The following CASZ1 variants were observed in gnomAD, a reference collection of about 807,000 sequenced individuals.
The protein encoded by CASZ1 is zinc finger protein castor homolog 1.
In CASZ1, 28 loss-of-function variants were observed where a neutral mutation model predicts 135.2. The observed-to-expected ratio is 0.21, with a 90% CI of 0.15 to 0.28. The LOEUF is 0.28. CASZ1 is among the 10% of genes least tolerant of loss of function. The probability of loss-of-function intolerance (pLI) is 1.00; values close to 1 mark genes in which losing one functional copy is unlikely to be tolerated. For missense variants in CASZ1, 2,161 were observed against 2,453.3 expected (o/e 0.88, Z 2.52); for synonymous variants, 1,068 against 1,073.4 (o/e 0.99, Z 0.10).
rs1326970456 is a variant in CASZ1 at position 10,666,938 on chromosome 1, C to T, written c.17-1367G>A. ...GCCACAGCAGCAGGGGCTCGGCTCA[C>T]ACTCACTGTGTACAAAACAAAATGT... On this transcript the variant is annotated intron_variant, in intron 4 of 20. Transcript: ENST00000377022. This position sits in a 1 kb window ranked among gnomAD's most constrained non-coding sequence, Gnocchi z 5.2. 6.6e-6 allele frequency among the ~76,000 whole-genome samples: 1 copy of T among 152,264 alleles called. No homozygotes were observed. Among genetic ancestry groups the T allele is most frequent in the African/African-American group, 2.4e-5 (1 of 41,476 alleles).
At chr1:10,749,036 T>A (rs911165173) in intron 2 of CASZ1, among the ~76,000 whole-genome samples, 7 of 152,152 alleles carry the variant, frequency 4.6e-5, no homozygotes, top group African/African-American at 1.7e-4. Context: ...CTGCGGCTGC[T>A]GCGTCCCAGC....
intron 4 of CASZ1, among the ~76,000 whole-genome samples, chr1:10,689,239 C>G (rs1279887974): frequency 2.0e-5 from 3 of 152,212 alleles, no homozygotes; most frequent in Non-Finnish European, 4.4e-5. Context: ...AAGAGCCTTT[C>G]CAAGCCCCAC....
At position 10,708,051 on chromosome 1, in the gene CASZ1, G is replaced by GTCCA. The variant is rs796938676; in HGVS notation, c.-76-2511_-76-2508dup. 2.6e-3 allele frequency among the ~76,000 whole-genome samples: 396 copies of GTCCA among 152,286 alleles called. 1 individual carries two copies. The highest frequency in any genetic ancestry group is 9.1e-3 in the African/African-American group (380 of 41,546). Reference sequence around the variant, plus strand: ...TTCTCTGCCAGCCGTCTGTCCATCTGTCCATCCATCCATCCAATGTTCCTA... The same window carrying GTCCA: ...TTCTCTGCCAGCCGTCTGTCCATCTGTCCATCCATCCATCCATCCAATGTTCCTA... On this transcript the variant is annotated intron_variant, in intron 2 of 20. Transcript: ENST00000377022.
chr1:10,769,205 T>C (rs1640532098), intron 1 of CASZ1, among the ~76,000 whole-genome samples: 1 of 152,162 alleles, frequency 6.6e-6, no homozygotes, highest in African/African-American at 2.4e-5. Flanking sequence ...TATGGACCAC[T>C]ATGCAGCCCT....
rs1640678228 is a variant in CASZ1 at position 10,777,276 on chromosome 1, G to T, written c.-233-16419C>A. The stretch of plus-strand genomic sequence containing the variant: ...AATCTGTTCCTGAGGACAGGACAAG[G>T]ACCGCAGGGTTGGGACCCCTATGAG... On this transcript the variant is annotated intron_variant, in intron 1 of 20. Coordinates refer to ENST00000377022, the MANE Select transcript of CASZ1 (RefSeq NM_001079843.3). This position sits in a 1 kb window ranked among gnomAD's most constrained non-coding sequence, Gnocchi z 4.4. 6.6e-6 allele frequency among the ~76,000 whole-genome samples: 1 copy of T among 152,152 alleles called. No homozygotes were observed.
At position 10,649,404 on chromosome 1, in the gene CASZ1, G is replaced by C. The variant is rs771310301; in HGVS notation, c.2914C>G (p.Leu972Val). 6.2e-7 allele frequency: 1 copy of C among 1,611,298 alleles called. No homozygotes were observed. The highest frequency in any genetic ancestry group is 8.5e-7 in the Non-Finnish European group (1 of 1,179,160). ...CCCTCCGCTTCCGCCTTGATGTTCAGCAGGCTGCCCAGGCCAGGGTTGCCC... is the reference window on the plus strand; with the variant it reads ...CCCTCCGCTTCCGCCTTGATGTTCACCAGGCTGCCCAGGCCAGGGTTGCCC... The part of the protein sequence containing the change: ...SQGNPGLGSL[L>V]NIKAEAEGSP... Residue 972 changes from leucine (L) to valine (V), a missense_variant, in exon 14 of 21, where the codon CTG (leucine) becomes GTG (valine). Around this residue, in one of 7 missense-constraint regions of CASZ1, gnomAD observed 406 missense variants for 387.6 expected, o/e 1.05. Coordinates refer to ENST00000377022, the MANE Select transcript of CASZ1 (RefSeq NM_001079843.3).
At chr1:10,746,743 G>A (rs144542483) in intron 2 of CASZ1, among the ~76,000 whole-genome samples, 2,039 of 152,366 alleles carry the variant, frequency 0.013, 42 homozygotes, top group African/African-American at 0.041. Flanking sequence ...GGGACAGAGC[G>A]GAGGGTGAGC....
In CASZ1 at chr1:10,647,790, G is replaced by A. The variant is rs375908341; in HGVS notation, c.3497+11C>T. ...GGGAACGCGGGACTCCCGGCTCATC[G>A]AGGGACTCACTTCTCCTGGAACTGG... On this transcript the variant is annotated intron_variant, in intron 16 of 20. Transcript: ENST00000377022. This position sits in a 1 kb window ranked among gnomAD's most constrained non-coding sequence, Gnocchi z 4.9. 81 of 1,613,012 alleles carry A rather than the reference G, an allele frequency of 5.0e-5. No homozygotes were observed. The highest frequency in any genetic ancestry group is 6.4e-5 in the Non-Finnish European group (76 of 1,180,026).
At chr1:10,663,846 C>T (rs921585534) in intron 5 of CASZ1, among the ~76,000 whole-genome samples, 10 of 152,222 alleles carry the variant, frequency 6.6e-5, no homozygotes, top group African/African-American at 2.4e-4. Context: ...CTCTGCCAGC[C>T]CCGCTCTCCA....
At chr1:10,664,922 G>T (rs1022893717) in intron 5 of CASZ1, among the ~76,000 whole-genome samples, 161 bp downstream of exon 5, 1 of 144,996 alleles carries the variant, frequency 6.9e-6, no homozygotes, top group African/African-American at 2.5e-5. Context: ...GCCCCTCCCC[G>T]TCCTAGTCTC....
chr1:10,690,285 G>A (rs527238947), intron 4 of CASZ1, among the ~76,000 whole-genome samples: 2 of 152,328 alleles, frequency 1.3e-5, no homozygotes, highest in East Asian at 3.9e-4. Context: ...CTCATGGAAG[G>A]TCTGATCTGA....
At chr1:10,786,263 T>A (rs940340836) in intron 1 of CASZ1, among the ~76,000 whole-genome samples, 1 of 151,994 alleles carries the variant, frequency 6.6e-6, no homozygotes, top group Non-Finnish European at 1.5e-5. Context: ...GTCTGGCCAG[T>A]GTGGGAAAGA....
Position 10,767,190 on chromosome 1 carries a change from G to C in CASZ1, c.-233-6333C>G, listed in dbSNP as rs543125275. Among the ~76,000 whole-genome samples, 1 of 152,206 alleles carries C rather than the reference G, an allele frequency of 6.6e-6. No individual in the cohort carries two copies. Among genetic ancestry groups the C allele is most frequent in the African/African-American group, 2.4e-5 (1 of 41,524 alleles). On this transcript the variant is annotated intron_variant, in intron 1 of 20. Transcript: ENST00000377022. This position sits in a 1 kb window ranked among gnomAD's most constrained non-coding sequence, Gnocchi z 4.2. ...AGGAACGAGGAGTGGGGAAAAGATG[G>C]GGCCCGGTCGTCCACATTCCTCATG...
At chr1:10,693,986 C>T (rs1638850494) in intron 3 of CASZ1, 74 bp from the exon 4 acceptor site, 1 of 1,445,006 alleles carries the variant, frequency 6.9e-7, no homozygotes, top group South Asian at 1.2e-5. Context: ...ACCCCGGCCG[C>T]CCGCCCTGCT....
chr1:10,750,251 G>A lies in CASZ1; in HGVS notation c.-77+10450C>T, dbSNP rs139340849. On this transcript the variant is annotated intron_variant, in intron 2 of 20. Transcript: ENST00000377022. ...GACATGAGGCCTGGCTAGTGACGCT[G>A]CTTTGCTTCGATTTTCTTTTCTTTT... Among the ~76,000 whole-genome samples the A allele has an allele frequency of 7.3e-3, 1,104 of 152,204 alleles. 9 individuals carry two copies. The highest frequency in any genetic ancestry group is 0.024 in the African/African-American group (976 of 41,518).
chr1:10,657,871 C>T lies in CASZ1; in HGVS notation c.1409+637G>A, dbSNP rs1642860281. The T allele has an allele frequency of 6.6e-6, 1 of 152,250 alleles. No homozygotes were observed. The highest frequency in any genetic ancestry group is 1.5e-5 in the Non-Finnish European group (1 of 68,124). The allele number at this position is 152,250 out of a possible 1,614,324, so 9.4% of individuals were successfully genotyped here. A position where few individuals can be genotyped will look rare whatever the true frequency, so the allele number is the denominator to read the frequency against. ...GGCAAAGGCTCTTCACTGCCAATCCCACTGCCTTTGGGATGGAAAGGGGTT... is the reference window on the plus strand; with the variant it reads ...GGCAAAGGCTCTTCACTGCCAATCCTACTGCCTTTGGGATGGAAAGGGGTT... On this transcript the variant is annotated intron_variant, in intron 7 of 20. Coordinates refer to ENST00000377022, the MANE Select transcript of CASZ1 (RefSeq NM_001079843.3). This position sits in a 1 kb window ranked among gnomAD's most constrained non-coding sequence, Gnocchi z 5.7.
In CASZ1 at chr1:10,665,386, C is replaced by T; in HGVS notation, c.202G>A (p.Gly68Ser). 6.2e-7 allele frequency: 1 copy of T among 1,612,698 alleles called. No homozygotes were observed. Among genetic ancestry groups the T allele is most frequent in the South Asian group, 1.1e-5 (1 of 90,934 alleles). Residue 68 changes from glycine (G) to serine (S), a missense_variant, in exon 5 of 21, where the codon GGC becomes AGC. By Grantham distance (56) the Gly-to-Ser change is moderately conservative (BLOSUM62 0). Transcript: ENST00000377022. ...GCCCGGGCTGCCCCAGACTCAGGGC[C>T]ACTGCGCTCTTGGTCCCGGGGCTGC... is the stretch of plus-strand genomic sequence containing the variant. ...PSQPRDQERSGPESGAARAPR... is the reference protein window; with the variant it reads ...PSQPRDQERSSPESGAARAPR...
rs964344332 is a variant in CASZ1 at position 10,657,491 on chromosome 1, T to C, written c.1410-755A>G. Among the ~76,000 whole-genome samples, 6 of 152,062 alleles carry C rather than the reference T, an allele frequency of 3.9e-5. No individual in the cohort carries two copies. Among genetic ancestry groups the C allele is most frequent in the African/African-American group, 9.7e-5 (4 of 41,378 alleles). ...CACAGAGAGAAACCCCATACTGTAA[T>C]GGGAAAACCACGTGCAAACAAATAT... is the stretch of plus-strand genomic sequence containing the variant. On this transcript the variant is annotated intron_variant, in intron 7 of 20. Transcript: ENST00000377022. The surrounding 1 kb of genome is among the most constrained non-coding windows in gnomAD (Gnocchi z 5.7).
In CASZ1 at chr1:10,679,304, A is replaced by G. The variant is rs559947722; in HGVS notation, c.17-13733T>C. Among the ~76,000 whole-genome samples, 1 of 152,288 alleles carries G rather than the reference A, an allele frequency of 6.6e-6. No individual in the cohort carries two copies. Among genetic ancestry groups the G allele is most frequent in the East Asian group, 1.9e-4 (1 of 5,178 alleles). Reference sequence around the variant, plus strand: ...CTGAGGCAGACAGGTCTCCTGGGCCATCTGCACCACATGCCCCAGGAAGCG... The same window carrying G: ...CTGAGGCAGACAGGTCTCCTGGGCCGTCTGCACCACATGCCCCAGGAAGCG... On this transcript the variant is annotated intron_variant, in intron 4 of 20. Transcript: ENST00000377022. This position sits in a 1 kb window ranked among gnomAD's most constrained non-coding sequence, Gnocchi z 4.7.
Sources: allele counts gnomAD v4.1 joint callset (sites outside exome capture counted in the v4.1 genomes callset), GRCh38; gene constraint gnomAD v4.1.1; regional missense constraint gnomAD v4.1.1; non-coding constraint Gnocchi (gnomAD v3.1); transcripts MANE v1.5; gene names NCBI Gene and HGNC (gene_info 2026-07-23, HGNC 2026-07-21).